Variants in TAB2 observed in about 807,000 individuals in gnomAD.
TAB2 encodes TGF-beta activated kinase 1 (MAP3K7) binding protein 2.
TAB2 carries 3 observed loss-of-function variants against 65.0 expected under a neutral mutation model. The observed-to-expected ratio is 0.05, with a 90% CI of 0.02 to 0.12. TAB2 has a LOEUF of 0.12. Ranked by LOEUF, TAB2 falls within the 10% of genes least tolerant of loss-of-function variation. TAB2 has a pLI of 1.00. For missense variants in TAB2, 623 were observed against 840.3 expected, an observed-to-expected ratio of 0.74 and a Z score of 3.20; for synonymous variants, 298 against 285.1, an observed-to-expected ratio of 1.05 and a Z score of -0.46.
chr6:149,338,242 C>G (rs1045008467), intron 1 of TAB2, among the ~76,000 whole-genome samples: 5 of 152,160 alleles, frequency 3.3e-5, no homozygotes, highest in Non-Finnish European at 7.4e-5. Flanking sequence ...AACCTTACAT[C>G]GGTTCAACTC....
chr6:149,379,668 T>G (rs1781545516), intron 3 of TAB2, 150 bp downstream of exon 3: 5 of 503,644 alleles, frequency 9.9e-6, no homozygotes, highest in Non-Finnish European at 1.6e-5. Context: ...GAGTATTATA[T>G]GTATATACAT....
chr6:149,359,243 C>T (rs1006221346), intron 1 of TAB2, among the ~76,000 whole-genome samples: 1 of 152,078 alleles, frequency 6.6e-6, no homozygotes. Flanking sequence ...TCCTTTGCTT[C>T]CTGGGTTAAA....
intron 3 of TAB2, among the ~76,000 whole-genome samples, chr6:149,383,758 T>C (rs1166224097): frequency 2.0e-5 from 3 of 152,324 alleles, no homozygotes; most frequent in Non-Finnish European, 2.9e-5. Flanking sequence ...AGTTTTTGTA[T>C]TTTTAAGAGA....
At chr6:149,262,321 T>C (rs750647774) in intron 1 of TAB2, among the ~76,000 whole-genome samples, 1 of 152,106 alleles carries the variant, frequency 6.6e-6, no homozygotes, top group South Asian at 2.1e-4. Flanking sequence ...TCACTTGAGA[T>C]CAGGAGTTTG....
chr6:149,238,498 A>C (rs1777539690), intron 1 of TAB2, among the ~76,000 whole-genome samples: 1 of 152,090 alleles, frequency 6.6e-6, no homozygotes, highest in South Asian at 2.1e-4. Context: ...CTCACCCTAC[A>C]TGTTCTGGCC....
intron 6 of TAB2, among the ~76,000 whole-genome samples, chr6:149,403,313 T>TAC (rs1242180541): frequency 0.04 from 2,701 of 66,818 alleles, 163 homozygotes; most frequent in South Asian, 0.16. Context: ...TATATATATA[T>TAC]ACACACACAT....
chr6:149,331,070 AT>A (rs1306817849), intron 1 of TAB2, among the ~76,000 whole-genome samples: 1 of 152,078 alleles, frequency 6.6e-6, no homozygotes, highest in East Asian at 1.9e-4. Context: ...CTCCAACTTC[AT>A]TCTCCTTTTT....
intron 3 of TAB2, among the ~76,000 whole-genome samples, chr6:149,389,047 C>G (rs1157769268): frequency 6.6e-6 from 1 of 151,488 alleles, no homozygotes; most frequent in Non-Finnish European, 1.5e-5. Flanking sequence ...CCTCTGCCTC[C>G]CAGGTTCAAG....
rs1778804607 is a variant in TAB2, at chr6:149,293,009, G to A, written c.-121+74233G>A. ...CTTCACTAGTTTTCCTGATTGAAAT[G>A]TTGGCAAGTTGGGAGTTTCCCGTTG... On this transcript the variant is annotated intron_variant, in intron 1 of 1. Coordinates refer to the TAB2 transcript ENST00000606202. Among the ~76,000 whole-genome samples the A allele has an allele frequency of 1.3e-5, 2 of 152,170 alleles. 1 individual carries two copies. Among genetic ancestry groups the A allele is most frequent in the South Asian group, 4.1e-4 (2 of 4,832 alleles).
intron 1 of TAB2, among the ~76,000 whole-genome samples, chr6:149,254,023 A>G (rs867978132): frequency 1.4e-4 from 19 of 137,336 alleles, no homozygotes; most frequent in Non-Finnish European, 1.3e-4. Flanking sequence ...AGAAAGAAAG[A>G]AAAGAAAGAA....
intron 3 of TAB2, among the ~76,000 whole-genome samples, chr6:149,387,104 G>A (rs1400717698): frequency 6.6e-6 from 1 of 152,074 alleles, no homozygotes; most frequent in Admixed American, 6.5e-5. Flanking sequence ...TTATTTGGCT[G>A]AAGTCCAAAC....
At chr6:149,319,966 C>G (rs993899182) in intron 1 of TAB2, among the ~76,000 whole-genome samples, 1 of 152,116 alleles carries the variant, frequency 6.6e-6, no homozygotes, top group South Asian at 2.1e-4. Flanking sequence ...AACTTAATCC[C>G]GTTTGATTGA....
Position 149,378,295 on chromosome 6 carries a change from A to G in TAB2, c.380A>G (p.Gln127Arg). 1.2e-6 allele frequency: 2 copies of G among 1,614,246 alleles called. No homozygotes were observed. Among genetic ancestry groups the G allele is most frequent in the South Asian group, 1.1e-5 (1 of 91,088 alleles). The change falls in exon 3 of 7, where the codon CAG (glutamine) becomes CGG (arginine). Residue 127 changes from glutamine to arginine, a missense_variant. Gln to Arg is a conservative substitution (Grantham distance 43). This residue lies in a region of TAB2 where 550 missense variants were observed against 665.7 expected (regional missense o/e 0.83). Transcript: ENST00000637181. ...AGTGAACTATTTCAGCAGGAGCCAC[A>G]GACAGCACCAGCTCAAGTTCCTCAA... ...SNSELFQQEP[Q>R]TAPAQVPQGF... is the part of the protein sequence containing the mutation.
At chr6:149,275,114 TC>T (rs1483869181) in intron 1 of TAB2, among the ~76,000 whole-genome samples, 1 of 129,978 alleles carries the variant, frequency 7.7e-6, no homozygotes, top group African/African-American at 3.1e-5. Flanking sequence ...TAATTTTTTT[TC>T]TCTTCTTCTG....
intron 1 of TAB2, among the ~76,000 whole-genome samples, chr6:149,339,059 A>G (rs1359818025): frequency 1.3e-5 from 2 of 152,216 alleles, no homozygotes; most frequent in Non-Finnish European, 2.9e-5. Flanking sequence ...CAGATAGCGT[A>G]ATTTTGTTAG....
chr6:149,409,199 G>A (rs539460956), intron 6 of TAB2, among the ~76,000 whole-genome samples: 10 of 152,146 alleles, frequency 6.6e-5, no homozygotes, highest in Non-Finnish European at 1.0e-4. Context: ...AGTGGGAAAC[G>A]AAACTCTAAT....
chr6:149,282,771 A>G (rs1187718079), intron 1 of TAB2, among the ~76,000 whole-genome samples: 1 of 152,216 alleles, frequency 6.6e-6, no homozygotes, highest in Non-Finnish European at 1.5e-5. Flanking sequence ...AACAAATCCT[A>G]AAGCTATGAT....
chr6:149,371,216 T>G (rs1229810930), intron 2 of TAB2, among the ~76,000 whole-genome samples: 1 of 152,154 alleles, frequency 6.6e-6, no homozygotes, highest in Non-Finnish European at 1.5e-5. Flanking sequence ...CTTATCACCA[T>G]TATCACCTTT....
intron 1 of TAB2, among the ~76,000 whole-genome samples, chr6:149,339,140 C>A (rs767717919): frequency 4.6e-5 from 7 of 152,002 alleles, no homozygotes; most frequent in Non-Finnish European, 8.8e-5. Flanking sequence ...CCGAGACGGG[C>A]GGATCATGAG....
Sources: allele counts gnomAD v4.1 joint callset (sites outside exome capture counted in the v4.1 genomes callset), GRCh38; gene constraint gnomAD v4.1.1; regional missense constraint gnomAD v4.1.1; transcripts MANE v1.5; gene names NCBI Gene and HGNC (gene_info 2026-07-23, HGNC 2026-07-21).